The following CLMN variants were observed in gnomAD, a reference collection of about 807,000 sequenced individuals.
CLMN encodes the protein calmin, also known as calmin (calponin-like, transmembrane).
CLMN carries 57 observed loss-of-function variants against 92.7 expected under a neutral mutation model. That is an observed-to-expected ratio of 0.61 (90% CI 0.50 to 0.77). The LOEUF (loss-of-function observed/expected upper bound fraction) is 0.77. Among genes scored for constraint, CLMN ranks in the 30% least tolerant of loss-of-function variants. The probability of loss-of-function intolerance (pLI) is 0.00; values close to 1 mark genes in which losing one functional copy is unlikely to be tolerated. For synonymous variants in CLMN, 466 were observed against 470.6 expected (o/e 0.99, Z 0.13); for missense variants, 1,158 against 1,237.5 (o/e 0.94, Z 0.96).
intron 1 of CLMN, among the ~76,000 whole-genome samples, chr14:95,302,186 G>A (rs956947258): frequency 6.6e-6 from 1 of 152,208 alleles, no homozygotes; most frequent in African/African-American, 2.4e-5. Flanking sequence ...TGTAATCCCA[G>A]CTACTCAGGA....
rs1164412248 is a variant in CLMN at position 95,204,173 on chromosome 14, T to C, written c.1176A>G (p.Pro392=). The change falls in exon 9 of 13, where the codon CCA becomes CCG. Residue 392 remains proline (P), a synonymous_variant. Transcript: ENST00000298912. ...QIIDQVLQGG[P]GKTSDISEPS... is the part of the protein sequence containing the mutation. Reference sequence around the variant, plus strand: ...GCTCACTGATGTCGCTGGTCTTACCTGGGCCCCCTTGCAGGACCTGGTCAA... The same window carrying C: ...GCTCACTGATGTCGCTGGTCTTACCCGGGCCCCCTTGCAGGACCTGGTCAA... The C allele has an allele frequency of 1.9e-6, 3 of 1,614,170 alleles. No homozygotes were observed. The highest frequency in any genetic ancestry group is 1.1e-5 in the South Asian group (1 of 91,074).
In CLMN at chr14:95,203,993, C is replaced by T; in HGVS notation, c.1356G>A (p.Val452=). 6.2e-7 allele frequency: 1 copy of T among 1,614,162 alleles called. No homozygotes were observed. The highest frequency in any genetic ancestry group is 8.5e-7 in the Non-Finnish European group (1 of 1,179,998). ...CATCCTGCCTCAATGATTCCTTTGC[C>T]ACTCTTGGGCTCCCTTCAAAGCAAA... The part of the protein sequence containing the change: ...LSLCFEGSPR[V]AKESLRQDGH... Residue 452 remains valine (V), a synonymous_variant, in exon 9 of 13, where the codon GTG becomes GTA. Coordinates refer to ENST00000298912, the MANE Select transcript of CLMN (RefSeq NM_024734.4).
At position 95,259,599 on chromosome 14, in the gene CLMN, T is replaced by A. The variant is rs934103718; in HGVS notation, c.83-29466A>T. ...TTGATCTGTTTGGGAATCCTGTTTT[T>A]GTGCCTGGTTGGGGGCTAGGAGAGG... On this transcript the variant is annotated intron_variant, in intron 1 of 12. Transcript: ENST00000298912. This position sits in a 1 kb window ranked among gnomAD's most constrained non-coding sequence, Gnocchi z 4.3. 6.6e-6 allele frequency among the ~76,000 whole-genome samples: 1 copy of A among 152,126 alleles called. No individual in the cohort carries two copies. Among genetic ancestry groups the A allele is most frequent in the African/African-American group, 2.4e-5 (1 of 41,406 alleles).
chr14:95,209,598 C>T, intron 7 of CLMN, 121 bp from the exon 8 acceptor site: 2 of 795,046 alleles, frequency 2.5e-6, no homozygotes, highest in East Asian at 5.1e-5. Context: ...CTTTATTTTC[C>T]ACTTGAGGAA....
chr14:95,221,795 A>C (rs1184258264), intron 3 of CLMN, 21 bp from the exon 4 acceptor site: 4 of 1,611,328 alleles, frequency 2.5e-6, no homozygotes. Flanking sequence ...GAACAGAACA[A>C]AACAAGCACA....
At position 95,217,674 on chromosome 14, in the gene CLMN, C is replaced by T. The variant is rs114885822; in HGVS notation, c.325-1941G>A. On this transcript the variant is annotated intron_variant, in intron 4 of 12. Transcript: ENST00000298912. ...TTTCTGTGGCTTACTGAGCACATTCCAGTCCAGGGGAATCAAAGCCGCTAG... is the reference window on the plus strand; with the variant it reads ...TTTCTGTGGCTTACTGAGCACATTCTAGTCCAGGGGAATCAAAGCCGCTAG... Among the ~76,000 whole-genome samples, 388 of 152,370 alleles carry T rather than the reference C, an allele frequency of 2.5e-3. 4 individuals carry two copies. The highest frequency in any genetic ancestry group is 9.1e-3 in the African/African-American group (379 of 41,598).
intron 2 of CLMN, among the ~76,000 whole-genome samples, chr14:95,225,919 C>T (rs185757073): frequency 8.3e-4 from 126 of 152,258 alleles, no homozygotes; most frequent in African/African-American, 2.9e-3. Flanking sequence ...CTGGACGTGG[C>T]CGGGAGTCTG....
intron 1 of CLMN, among the ~76,000 whole-genome samples, chr14:95,245,194 A>ATATT (rs1491250953): frequency 2.8e-5 from 1 of 35,494 alleles, no homozygotes; most frequent in African/African-American, 1.4e-4. Context: ...ATATATATAT[A>ATATT]ATATATATAT....
chr14:95,191,994 T>C lies in CLMN; in HGVS notation c.2841-262A>G. The C allele has an allele frequency of 2.8e-6, 1 of 355,826 alleles. No homozygotes were observed. Among genetic ancestry groups the C allele is most frequent in the Non-Finnish European group, 5.1e-6 (1 of 196,712 alleles). 22.0% of individuals were successfully genotyped at this position (355,826 alleles called of 1,614,324 possible). A position where few individuals can be genotyped will look rare whatever the true frequency, so the allele number is the denominator to read the frequency against. ...GTGAGAGGAGGTGGCAGCCCCATTCTGCAGATGGACACACTGAGGCTTTCG... is the reference window on the plus strand; with the variant it reads ...GTGAGAGGAGGTGGCAGCCCCATTCCGCAGATGGACACACTGAGGCTTTCG... On this transcript the variant is annotated intron_variant, in intron 12 of 12. Transcript: ENST00000298912. This position sits in a 1 kb window ranked among gnomAD's most constrained non-coding sequence, Gnocchi z 5.3.
chr14:95,238,619 C>T (rs1266646490), intron 1 of CLMN, among the ~76,000 whole-genome samples: 2 of 152,196 alleles, frequency 1.3e-5, no homozygotes, highest in East Asian at 3.8e-4. Context: ...AGGCCCTCCC[C>T]CACCCAAATT....
At chr14:95,205,347 T>C (rs1897016670) in intron 8 of CLMN, among the ~76,000 whole-genome samples, 1 of 152,000 alleles carries the variant, frequency 6.6e-6, no homozygotes, top group Admixed American at 6.6e-5. Context: ...AGAGAAGAAA[T>C]AATCACTAGA....
At position 95,203,862 on chromosome 14, in the gene CLMN, AC is replaced by A. The variant is rs756030711; in HGVS notation, c.1486del (p.Val496TrpfsTer17). The stretch of plus-strand genomic sequence containing the variant: ...CTGAGAATTATTGTTTGTGCCCTCC[AC>A]CAAAAAAATGTCACCAGCGACCTTG... ...SDKVAGDIFL[V>X]EGTNNNSQSS... On this transcript the variant is annotated frameshift_variant, in exon 9 of 13. Transcript: ENST00000298912. LOFTEE classifies it high-confidence loss of function. 3.7e-6 allele frequency: 6 copies of A among 1,614,000 alleles called. No homozygotes were observed. In the South Asian group the frequency reaches 6.6e-5, roughly 18 times the overall value.
At chr14:95,253,356 C>CGGA (rs1353305059) in intron 1 of CLMN, among the ~76,000 whole-genome samples, 1 of 152,232 alleles carries the variant, frequency 6.6e-6, no homozygotes, top group Non-Finnish European at 1.5e-5. Flanking sequence ...GCACAGGGTT[C>CGGA]CGCTCCATGG....
intron 1 of CLMN, among the ~76,000 whole-genome samples, chr14:95,292,618 C>A (rs529330573): frequency 6.6e-6 from 1 of 152,226 alleles, no homozygotes; most frequent in East Asian, 1.9e-4. Flanking sequence ...TGCACACTCA[C>A]GGGGACCGAC....
chr14:95,297,798 A>C (rs1900868887), intron 1 of CLMN, among the ~76,000 whole-genome samples: 1 of 140,380 alleles, frequency 7.1e-6, no homozygotes, highest in Non-Finnish European at 1.5e-5. Flanking sequence ...TTTGGCTATT[A>C]TGAATATGGC....
chr14:95,197,735 C>T (rs114270165), intron 9 of CLMN, among the ~76,000 whole-genome samples: 2,348 of 152,258 alleles, frequency 0.015, 67 homozygotes, highest in African/African-American at 0.053. Flanking sequence ...TGCAGGAGCA[C>T]GGTCATTGTT....
At chr14:95,239,162 G>T (rs898783218) in intron 1 of CLMN, among the ~76,000 whole-genome samples, 1 of 152,178 alleles carries the variant, frequency 6.6e-6, no homozygotes, top group African/African-American at 2.4e-5. Context: ...CAGGCAGACT[G>T]CCCTGAAGCG....
At chr14:95,276,057 G>A (rs895383527) in intron 1 of CLMN, among the ~76,000 whole-genome samples, 5 of 152,146 alleles carry the variant, frequency 3.3e-5, no homozygotes, top group African/African-American at 1.2e-4. Context: ...TCTCTCTTGG[G>A]GTCTGAACTG....
chr14:95,211,619 A>G (rs962399634), intron 6 of CLMN, among the ~76,000 whole-genome samples: 1 of 151,614 alleles, frequency 6.6e-6, no homozygotes, highest in Non-Finnish European at 1.5e-5. Context: ...AGACTCCACC[A>G]ATCTCTCAAC....
Sources: allele counts gnomAD v4.1 joint callset (sites outside exome capture counted in the v4.1 genomes callset), GRCh38; gene constraint gnomAD v4.1.1; non-coding constraint Gnocchi (gnomAD v3.1); transcripts MANE v1.5; gene names NCBI Gene and HGNC (gene_info 2026-07-23, HGNC 2026-07-21).